MYNN: variants seen among roughly 807,000 people sequenced by gnomAD.
The protein encoded by MYNN is myoneurin.
A neutral mutation model predicts 57.2 loss-of-function variants in MYNN; 22 were observed. That is an observed-to-expected ratio of 0.38 (90% CI 0.27 to 0.55). MYNN has a LOEUF of 0.55. MYNN is among the 20% of genes least tolerant of loss of function. The pLI, the probability that MYNN is intolerant of heterozygous loss-of-function variation, is 0.71. For missense variants in MYNN, 566 were observed against 723.1 expected (o/e 0.78, Z 2.49); for synonymous variants, 241 against 257.1 (o/e 0.94, Z 0.60).
rs1388466866 is a variant in MYNN, at chr3:169,788,118, A to T, written c.*1440A>T. On this transcript the variant is annotated 3_prime_UTR_variant, in exon 8 of 8. Coordinates refer to ENST00000349841, the MANE Select transcript of MYNN (RefSeq NM_018657.5). ...TTGGTATTGATTTCTTTAATTCATTAATTTTCTCTATTTGGGACCCAAGTC... is the reference window on the plus strand; with the variant it reads ...TTGGTATTGATTTCTTTAATTCATTTATTTTCTCTATTTGGGACCCAAGTC... 1.3e-5 allele frequency: 2 copies of T among 152,102 alleles called. No individual in the cohort carries two copies. Among genetic ancestry groups the T allele is most frequent in the African/African-American group, 4.8e-5 (2 of 41,420 alleles). 9.4% of individuals were successfully genotyped at this position (152,102 alleles called of 1,614,324 possible). A position where few individuals can be genotyped will look rare whatever the true frequency, so the allele number is the denominator to read the frequency against.
intron 7 of MYNN, among the ~76,000 whole-genome samples, chr3:169,785,642 C>T (rs1377214589): frequency 6.6e-6 from 1 of 151,966 alleles, no homozygotes; most frequent in African/African-American, 2.4e-5. Context: ...GGGCAGAGAA[C>T]ACTGTAGAGA....
chr3:169,780,507 C>A, intron 3 of MYNN, 83 bp from the exon 4 acceptor site: 2 of 956,848 alleles, frequency 2.1e-6, no homozygotes, highest in Non-Finnish European at 3.1e-6. Flanking sequence ...AATAACAAAG[C>A]TAGTACTGTT....
rs750115126 is a variant in MYNN at position 169,782,444 on chromosome 3, T to C, written c.1221-21T>C. 4.4e-6 allele frequency: 7 copies of C among 1,588,998 alleles called. No individual in the cohort carries two copies. The highest frequency in any genetic ancestry group is 6.0e-6 in the Non-Finnish European group (7 of 1,168,378). On this transcript the variant is annotated intron_variant, in intron 4 of 7. Transcript: ENST00000349841. This position sits in a 1 kb window ranked among gnomAD's most constrained non-coding sequence, Gnocchi z 4.8. Reference sequence around the variant, plus strand: ...ACTGACCTCCAAATTGTTTTACTTATTTAACTTTATTTACTAACAGGAAGC... The same window carrying C: ...ACTGACCTCCAAATTGTTTTACTTACTTAACTTTATTTACTAACAGGAAGC...
chr3:169,785,185 T>C (rs1778641639), intron 7 of MYNN, among the ~76,000 whole-genome samples: 1 of 151,634 alleles, frequency 6.6e-6, no homozygotes, highest in South Asian at 2.1e-4. Context: ...AAACAACAAG[T>C]TTTGAGTCTA....
Position 169,779,353 on chromosome 3 carries a change from T to G in MYNN, c.852T>G (p.Tyr284Ter), listed in dbSNP as rs1467594084. Residue 284 changes from tyrosine to a stop codon, truncating the protein, a stop_gained, in exon 3 of 8, where the codon TAT (tyrosine) becomes TAG (stop). Coordinates refer to ENST00000349841, the MANE Select transcript of MYNN (RefSeq NM_018657.5). LOFTEE classifies it high-confidence loss of function. ...ATATAGCCAGCGTCAAGAGTCCTTA[T>G]GAGGCGGAGAACTCCGGGGAAGAGC... ...MSNIASVKSP[Y>*]EAENSGEELD... 4 of 1,614,176 alleles carry G rather than the reference T, an allele frequency of 2.5e-6. No individual in the cohort carries two copies. Among genetic ancestry groups the G allele is most frequent in the Non-Finnish European group, 3.4e-6 (4 of 1,180,038 alleles).
chr3:169,773,646 A>G lies in MYNN; in HGVS notation c.-32+184A>G, dbSNP rs114340092. 8.3e-3 allele frequency among the ~76,000 whole-genome samples: 1,258 copies of G among 152,320 alleles called. 17 individuals carry two copies. The highest frequency in any genetic ancestry group is 0.029 in the African/African-American group (1,190 of 41,586). On this transcript the variant is annotated intron_variant, in intron 1 of 7. Transcript: ENST00000349841. ...AAATTCGCGGGAGTGGGAGCTGGGCAGAGGGCAGGGCGGCAGAAGCCGAGG... is the reference window on the plus strand; with the variant it reads ...AAATTCGCGGGAGTGGGAGCTGGGCGGAGGGCAGGGCGGCAGAAGCCGAGG...
chr3:169,781,108 T>A (rs1778499901), intron 4 of MYNN, among the ~76,000 whole-genome samples: 1 of 151,936 alleles, frequency 6.6e-6, no homozygotes, highest in African/African-American at 2.4e-5. Flanking sequence ...GTGGCAGCAG[T>A]GAAAGAAATA....
At chr3:169,774,203 C>T (rs1778260699) in intron 1 of MYNN, 62 bp from the exon 2 acceptor site, 1 of 1,277,174 alleles carries the variant, frequency 7.8e-7, no homozygotes, top group African/African-American at 1.5e-5. Flanking sequence ...TCTGTCCCTT[C>T]CCTCACTGAA....
chr3:169,773,600 G>C (rs1778240108), intron 1 of MYNN, 138 bp downstream of exon 1: 1 of 152,964 alleles, frequency 6.5e-6, no homozygotes, highest in African/African-American at 2.4e-5. Flanking sequence ...GGGGTGGCCT[G>C]GGCCACAACC....
At chr3:169,778,033 A>T (rs888932790) in intron 2 of MYNN, 2 of 153,028 alleles carry the variant, frequency 1.3e-5, no homozygotes, top group African/African-American at 4.8e-5. Context: ...GTTCGAGACC[A>T]GCCTGGGCAG....
At chr3:169,786,035 T>G (rs1331516208) in intron 7 of MYNN, among the ~76,000 whole-genome samples, 1 of 152,080 alleles carries the variant, frequency 6.6e-6, no homozygotes, top group Non-Finnish European at 1.5e-5. Flanking sequence ...TATAACGACA[T>G]TTACTCTCAA....
intron 7 of MYNN, among the ~76,000 whole-genome samples, chr3:169,785,073 G>T (rs550144389): frequency 6.1e-5 from 9 of 146,762 alleles, no homozygotes; most frequent in Non-Finnish European, 1.4e-4. Flanking sequence ...AAAAAAAAGG[G>T]GGGGGGGGTG....
chr3:169,784,579 G>A, intron 6 of MYNN, 43 bp from the exon 7 acceptor site: 1 of 1,299,538 alleles, frequency 7.7e-7, no homozygotes, highest in Non-Finnish European at 1.1e-6. Flanking sequence ...TTAGCTAGCA[G>A]CTTTTAAAAT....
chr3:169,778,838 A>G lies in MYNN; in HGVS notation c.337A>G (p.Ile113Val), dbSNP rs758656401. ...GGAAGAGGTGGTCACTAAATGCAAA[A>G]TAAAGATGGAAGATTTTGCTTTTAT... ...KVEEVVTKCK[I>V]KMEDFAFIAN... The change falls in exon 3 of 8, where the codon ATA (isoleucine) becomes GTA (valine). Residue 113 changes from isoleucine to valine, a missense_variant. Ile to Val is a conservative substitution (Grantham distance 29, BLOSUM62 3). Coordinates refer to ENST00000349841, the MANE Select transcript of MYNN (RefSeq NM_018657.5). 2.6e-5 allele frequency: 42 copies of G among 1,613,494 alleles called. No individual in the cohort carries two copies. The highest frequency in any genetic ancestry group is 3.4e-5 in the Non-Finnish European group (40 of 1,179,808).
intron 3 of MYNN, chr3:169,779,773 A>T (rs951473854): frequency 2.8e-5 from 15 of 536,038 alleles, no homozygotes; most frequent in Non-Finnish European, 3.9e-5. Context: ...TCAACTCCTT[A>T]TACCATTTTC....
In MYNN at chr3:169,782,788, A is replaced by T; in HGVS notation, c.1399+145A>T. On this transcript the variant is annotated intron_variant, in intron 5 of 7. Transcript: ENST00000349841. This position sits in a 1 kb window ranked among gnomAD's most constrained non-coding sequence, Gnocchi z 4.8. ...TAAGCTATGTTTATGATTTTTGCAC[A>T]TATTTGTTAAATATAAAAGCTGACT... 1.6e-6 allele frequency: 1 copy of T among 616,386 alleles called. No homozygotes were observed. Among genetic ancestry groups the T allele is most frequent in the African/African-American group, 1.9e-5 (1 of 52,736 alleles). 38.2% of individuals were successfully genotyped at this position (616,386 alleles called of 1,614,324 possible). A position where few individuals can be genotyped will look rare whatever the true frequency, so the allele number is the denominator to read the frequency against.
At chr3:169,784,994 A>C (rs1199785192) in intron 7 of MYNN, among the ~76,000 whole-genome samples, 3 of 146,882 alleles carry the variant, frequency 2.0e-5, no homozygotes, top group Non-Finnish European at 4.5e-5. Flanking sequence ...AGGAACATAT[A>C]AGCAAGCTAT....
rs949349004 is a variant in MYNN, at chr3:169,784,653, A to C, written c.1515A>C (p.Gly505=). 6.3e-7 allele frequency: 1 copy of C among 1,578,844 alleles called. No individual in the cohort carries two copies. The highest frequency in any genetic ancestry group is 2.3e-5 in the East Asian group (1 of 43,042). The change falls in exon 7 of 8, where the codon GGA becomes GGC. Residue 505 remains glycine (G), a synonymous_variant. Coordinates refer to ENST00000349841, the MANE Select transcript of MYNN (RefSeq NM_018657.5). ...GERPFICELC[G]NSYTDIKNLK... is the part of the protein sequence containing the mutation. ...GACCATTTATCTGCGAATTATGTGG[A>C]AATTCTTACACAGATATTAAAAATT...
At chr3:169,775,496 G>A (rs551551466) in intron 2 of MYNN, among the ~76,000 whole-genome samples, 5 of 152,220 alleles carry the variant, frequency 3.3e-5, no homozygotes, top group African/African-American at 9.6e-5. Context: ...CCTGTCAGTC[G>A]CTATGTCTCC....
Sources: allele counts gnomAD v4.1 joint callset (sites outside exome capture counted in the v4.1 genomes callset), GRCh38; gene constraint gnomAD v4.1.1; non-coding constraint Gnocchi (gnomAD v3.1); transcripts MANE v1.5; gene names NCBI Gene and HGNC (gene_info 2026-07-23, HGNC 2026-07-21).